Variants in NDUFA5 observed in about 807,000 individuals in gnomAD.
NDUFA5 encodes NADH:ubiquinone oxidoreductase subunit A5.
NDUFA5 carries 11 observed loss-of-function variants against 19.8 expected under a neutral mutation model. The ratio of observed to expected loss-of-function variants is 0.56; its 90% confidence interval spans 0.35 to 0.92. The LOEUF is 0.92. Among genes scored for constraint, NDUFA5 ranks in the 40% least tolerant of loss-of-function variants. NDUFA5 has a pLI of 0.01. For missense variants in NDUFA5, 109 were observed against 134.2 expected (o/e 0.81, Z 0.93); for synonymous variants, 47 against 46.8 (o/e 1.00, Z -0.01).
At chr7:123,576,339 T>TTTG in the NDUFA5 span, among the ~76,000 whole-genome samples, 1,062 of 152,164 alleles carry the variant, frequency 7.0e-3, 13 homozygotes, top group African/African-American at 0.025. Context: ...AGTTGTGTTT[T>TTTG]TTGTTGTTGT....
At chr7:123,568,815 T>C in the NDUFA5 span, among the ~76,000 whole-genome samples, 10 of 152,252 alleles carry the variant, frequency 6.6e-5, no homozygotes, top group African/African-American at 1.9e-4. Context: ...TAAAAATGAA[T>C]ACCTTAACAT....
the NDUFA5 span, among the ~76,000 whole-genome samples, chr7:123,589,472 C>A: frequency 5.3e-5 from 4 of 75,776 alleles, no homozygotes; most frequent in Non-Finnish European, 1.2e-4. Flanking sequence ...CCTCCTCCAG[C>A]CCCCCACCTC....
intron 2 of NDUFA5, among the ~76,000 whole-genome samples, chr7:123,553,572 G>T (rs1220063785): frequency 6.6e-6 from 1 of 152,084 alleles, no homozygotes; most frequent in Admixed American, 6.6e-5. Flanking sequence ...TAATAAAAAT[G>T]ATAAAAAGAA....
At chr7:123,588,486 TTA>T in the NDUFA5 span, among the ~76,000 whole-genome samples, 95 of 151,762 alleles carry the variant, frequency 6.3e-4, no homozygotes, top group African/African-American at 2.3e-3. Context: ...CTTGTTTGTC[TTA>T]TCTCTATTTC....
the NDUFA5 span, among the ~76,000 whole-genome samples, chr7:123,565,933 T>A: frequency 1.3e-5 from 2 of 151,426 alleles, no homozygotes; most frequent in African/African-American, 4.9e-5. Context: ...ACAGGGGAAT[T>A]GCTTGAACCA....
At chr7:123,550,659 A>G in intron 2 of NDUFA5, 73 bp from the exon 3 acceptor site, 1 of 907,934 alleles carries the variant, frequency 1.1e-6, no homozygotes, top group Non-Finnish European at 1.7e-6. Context: ...CTTGTCTCAA[A>G]GACAAAACAA....
At chr7:123,586,602 T>C in the NDUFA5 span, among the ~76,000 whole-genome samples, 2 of 151,826 alleles carry the variant, frequency 1.3e-5, no homozygotes, top group East Asian at 1.9e-4. Context: ...CCTGTCCTTT[T>C]GGTGTCATAT....
the NDUFA5 span, chr7:123,596,363 A>G: frequency 6.6e-6 from 1 of 152,204 alleles, no homozygotes; most frequent in East Asian, 1.9e-4. Context: ...TGTGATCCCA[A>G]CACTTTGAAG....
chr7:123,545,864 T>C, intron 3 of NDUFA5, 188 bp from the exon 4 acceptor site: 1 of 504,562 alleles, frequency 2.0e-6, no homozygotes, highest in Middle Eastern at 5.4e-4. Context: ...TGTCTTAATA[T>C]TGAAAAGTGC....
At chr7:123,569,448 G>T in the NDUFA5 span, among the ~76,000 whole-genome samples, 6 of 152,342 alleles carry the variant, frequency 3.9e-5, no homozygotes, top group African/African-American at 1.4e-4. Flanking sequence ...ACTACCTGGT[G>T]TGGGTGGTGG....
At chr7:123,560,852 A>G (rs1349530539), upstream of NDUFA5, among the ~76,000 whole-genome samples, 4 of 152,178 alleles carry the variant, frequency 2.6e-5, no homozygotes, top group African/African-American at 4.8e-5. Context: ...AATATATGAA[A>G]TCTGGGGGAC....
the NDUFA5 span, among the ~76,000 whole-genome samples, chr7:123,596,011 C>T: frequency 6.6e-6 from 1 of 152,058 alleles, no homozygotes; most frequent in East Asian, 1.9e-4. Context: ...TGAAATCAAG[C>T]CATAACTAAG....
Position 123,537,497 on chromosome 7 carries a change from A to T in NDUFA5, c.*4622T>A, listed in dbSNP as rs985992108. On this transcript the variant is annotated 3_prime_UTR_variant, in exon 5 of 5. Coordinates refer to ENST00000355749, the MANE Select transcript of NDUFA5 (RefSeq NM_005000.5). ...ACCTTTTAAGACAGATGTGTTTGAT[A>T]TTCACAATTTTTCAGATTTTTGAAA... is the stretch of plus-strand genomic sequence containing the variant. The T allele has an allele frequency of 6.6e-6, 1 of 152,158 alleles. No homozygotes were observed. Among genetic ancestry groups the T allele is most frequent in the African/African-American group, 2.4e-5 (1 of 41,408 alleles). The allele number at this position is 152,158 out of a possible 1,614,324, so 9.4% of individuals were successfully genotyped here. A position where few individuals can be genotyped will look rare whatever the true frequency, so the allele number is the denominator to read the frequency against.
chr7:123,542,700 A>C (rs1430690361), intron 4 of NDUFA5, among the ~76,000 whole-genome samples: 1 of 152,144 alleles, frequency 6.6e-6, no homozygotes, highest in Admixed American at 6.6e-5. Flanking sequence ...GCTAATCACT[A>C]TCCAACTAAC....
At chr7:123,559,685 C>T (rs1798663325), upstream of NDUFA5, among the ~76,000 whole-genome samples, 1 of 151,680 alleles carries the variant, frequency 6.6e-6, no homozygotes, top group South Asian at 2.1e-4. Context: ...ACAAAACCTT[C>T]TCTCTACTAA....
chr7:123,560,616 C>T (rs1192971832), upstream of NDUFA5, among the ~76,000 whole-genome samples: 3 of 152,176 alleles, frequency 2.0e-5, no homozygotes, highest in Admixed American at 6.5e-5. Context: ...GCCAGCAAGA[C>T]AGATTTCATT....
the NDUFA5 span, among the ~76,000 whole-genome samples, chr7:123,579,270 T>C: frequency 0.24 from 37,202 of 151,998 alleles, 4,711 homozygotes; most frequent in East Asian, 0.4. Flanking sequence ...ATGGTGTAGA[T>C]ATACTACATT....
chr7:123,574,064 AG>A, the NDUFA5 span, among the ~76,000 whole-genome samples: 2 of 152,188 alleles, frequency 1.3e-5, no homozygotes, highest in African/African-American at 4.8e-5. Flanking sequence ...AAGTGATAGC[AG>A]TCTATTTCCA....
the NDUFA5 span, among the ~76,000 whole-genome samples, chr7:123,575,901 G>T: frequency 1.3e-5 from 2 of 148,842 alleles, no homozygotes; most frequent in South Asian, 4.2e-4. Context: ...GGCATGCATA[G>T]TGTGTCCTGT....
Sources: gnomAD v4.1 joint callset for allele counts (sites outside exome capture counted in the v4.1 genomes callset) on GRCh38, gnomAD v4.1.1 for gene constraint, MANE v1.5 for transcripts, NCBI Gene and HGNC (gene_info 2026-07-23, HGNC 2026-07-21) for gene names.